Variants in CHEK2 observed in about 807,000 individuals in gnomAD.
CHEK2 encodes the protein serine/threonine-protein kinase Chk2.
CHEK2 carries 71 observed loss-of-function variants against 69.1 expected under a neutral mutation model. The observed-to-expected ratio is 1.03, with a 90% CI of 0.85 to 1.25. The LOEUF (loss-of-function observed/expected upper bound fraction) is 1.25, where lower values mean the gene tolerates loss of function less well. Among genes scored for constraint, CHEK2 ranks in the 50% most tolerant of loss-of-function variants. The probability of loss-of-function intolerance (pLI) is 0.00; values close to 1 mark genes in which losing one functional copy is unlikely to be tolerated. For synonymous variants in CHEK2, 189 were observed against 226.9 expected, an observed-to-expected ratio of 0.83 and a Z score of 1.50; for missense variants, 664 against 649.6, an observed-to-expected ratio of 1.02 and a Z score of -0.24.
At chr22:28,693,794 G>A (rs1286776969) in intron 13 of CHEK2, among the ~76,000 whole-genome samples, 4 of 152,124 alleles carry the variant, frequency 2.6e-5, no homozygotes, top group Non-Finnish European at 4.4e-5. Context: ...GGGGGCCAGA[G>A]GTTGCAGTGA....
intron 2 of CHEK2, among the ~76,000 whole-genome samples, chr22:28,730,941 T>C (rs2054196838): frequency 6.6e-6 from 1 of 152,200 alleles, no homozygotes; most frequent in Non-Finnish European, 1.5e-5. Flanking sequence ...CTGTGGCTTA[T>C]GCCTGTAATC....
At chr22:28,738,814 G>A (rs540455622) in intron 1 of CHEK2, among the ~76,000 whole-genome samples, 1 of 152,218 alleles carries the variant, frequency 6.6e-6, no homozygotes, top group South Asian at 2.1e-4. Context: ...ATTTCATCAA[G>A]CTAAAAAGCT....
rs752493299 is a variant in CHEK2 at position 28,711,911 on chromosome 22, C to A, written c.790G>T (p.Ala264Ser). The change falls in exon 6 of 15, where the codon GCA becomes TCA. Residue 264 changes from alanine to serine, a missense_variant and splice_region_variant. Transcript: ENST00000404276. ...ATCAGCCTTTTATTGGTACTTACTG[C>A]CTCTCTTGCTGAACCAATAGCAAAC... is the stretch of plus-strand genomic sequence containing the variant. Reference protein sequence around the residue: ...RKFAIGSAREADPALNVETEI... With the variant: ...RKFAIGSARESDPALNVETEI... 6.9e-6 allele frequency: 11 copies of A among 1,600,868 alleles called. No individual in the cohort carries two copies. In the East Asian group the frequency reaches 2.5e-4, roughly 36 times the overall value.
Position 28,692,471 on chromosome 22 carries a change from T to TTTTGTTTG in CHEK2, c.1461+1553_1461+1560dup, listed in dbSNP as rs35397484. Among the ~76,000 whole-genome samples the TTTTGTTTG allele has an allele frequency of 6.0e-3, 910 of 150,676 alleles. 9 individuals are homozygous for TTTTGTTTG. The highest frequency in any genetic ancestry group is 0.019 in the African/African-American group (771 of 41,050). ...AACATCCAAACACATATATGTCTTT[T>TTTTGTTTG]TTTGTTTGTTTGTTTGTTTGTTTTA... is the stretch of plus-strand genomic sequence containing the variant. On this transcript the variant is annotated intron_variant, in intron 13 of 14. Coordinates refer to ENST00000404276, the MANE Select transcript of CHEK2 (RefSeq NM_007194.4).
In CHEK2 at chr22:28,689,167, C is replaced by G. The variant is rs587782489; in HGVS notation, c.1510G>C (p.Glu504Gln). The G allele has an allele frequency of 1.4e-5, 23 of 1,595,222 alleles. No individual in the cohort carries two copies. In the Admixed American group the frequency reaches 3.0e-4, roughly 21 times the overall value. Residue 504 changes from glutamate to glutamine, a missense_variant, in exon 14 of 15, where the codon GAA (glutamate) becomes CAA (glutamine). Glu to Gln is a conservative substitution (Grantham distance 29). Transcript: ENST00000404276. The stretch of plus-strand genomic sequence containing the variant: ...AGAACCTGGGGTAGAGCTGTGGATT[C>G]ATTTTCCTCAGACAGAAGATCTTGA... ...KFQDLLSEEN[E>Q]STALPQVLAQ...
chr22:28,703,610 C>G, intron 7 of CHEK2, 44 bp from the exon 8 acceptor site: 1 of 1,252,546 alleles, frequency 8.0e-7, no homozygotes, highest in South Asian at 1.3e-5. Flanking sequence ...GAGAAACTCC[C>G]AAGAGGAAAA....
rs1601853112 is a variant in CHEK2 at position 28,734,596 on chromosome 22, A to T, written c.126T>A (p.Ser42=). ...GGCTGGAGTTTGGCATCGTGCTGGTAGAGGAGCTGGATATGCCCTGGGACT... is the reference window on the plus strand; with the variant it reads ...GGCTGGAGTTTGGCATCGTGCTGGTTGAGGAGCTGGATATGCCCTGGGACT... ...SSQSQGISSS[S]TSTMPNSSQS... Residue 42 remains serine, a synonymous_variant, in exon 2 of 15, where the codon TCT becomes TCA. Coordinates refer to ENST00000404276, the MANE Select transcript of CHEK2 (RefSeq NM_007194.4). 6.2e-7 allele frequency: 1 copy of T among 1,614,022 alleles called. No homozygotes were observed. The highest frequency in any genetic ancestry group is 8.5e-7 in the Non-Finnish European group (1 of 1,180,008).
intron 1 of CHEK2, among the ~76,000 whole-genome samples, chr22:28,736,052 T>C (rs1236932158): frequency 6.6e-6 from 1 of 152,130 alleles, no homozygotes; most frequent in Non-Finnish European, 1.5e-5. Context: ...ATAATCTTTG[T>C]GTTAGATAAT....
chr22:28,708,361 ATATGTGTGTG>A (rs994289439), intron 7 of CHEK2, among the ~76,000 whole-genome samples: 15 of 104,384 alleles, frequency 1.4e-4, no homozygotes, highest in Non-Finnish European at 1.6e-4. Flanking sequence ...GTCTCTAAAA[ATATGTGTGTG>A]TGTGTGTGTG....
chr22:28,690,546 T>TA (rs1309177672), intron 13 of CHEK2, among the ~76,000 whole-genome samples: 3 of 150,502 alleles, frequency 2.0e-5, no homozygotes, highest in African/African-American at 7.4e-5. Context: ...GAGAATCGCT[T>TA]GAACTCAAGA....
chr22:28,736,675 C>A (rs1178045430), intron 1 of CHEK2, among the ~76,000 whole-genome samples: 1 of 152,112 alleles, frequency 6.6e-6, no homozygotes, highest in Admixed American at 6.6e-5. Context: ...TGCAGTGGCT[C>A]ATACCTGTAA....
At chr22:28,697,064 A>C in intron 9 of CHEK2, 77 bp from the exon 10 acceptor site, 1 of 868,966 alleles carries the variant, frequency 1.2e-6, no homozygotes, top group Non-Finnish European at 2.0e-6. Flanking sequence ...CAACACACAC[A>C]TCTCACAGCT....
intron 5 of CHEK2, among the ~76,000 whole-genome samples, chr22:28,712,852 CA>C (rs1343714422): frequency 2.0e-5 from 3 of 152,118 alleles, no homozygotes; most frequent in African/African-American, 7.2e-5. Context: ...TTAAAGTGTA[CA>C]ATTCAGTAGC....
At chr22:28,690,744 T>A (rs2052330701) in intron 13 of CHEK2, among the ~76,000 whole-genome samples, 1 of 150,074 alleles carries the variant, frequency 6.7e-6, no homozygotes, top group Admixed American at 6.7e-5. Context: ...CATGGTGCAG[T>A]GATCATGCCA....
chr22:28,711,977 T>C lies in CHEK2; in HGVS notation c.724A>G (p.Thr242Ala), dbSNP rs752647314. The change falls in exon 6 of 15, where the codon ACA becomes GCA. Residue 242 changes from threonine (T) to alanine (A), a missense_variant. Thr to Ala is a moderately conservative substitution (Grantham distance 58). Coordinates refer to ENST00000404276, the MANE Select transcript of CHEK2 (RefSeq NM_007194.4). The stretch of plus-strand genomic sequence containing the variant: ...ATCTTTATGGCTACTTTCTTACATG[T>C]TTTCCTCTCGAAAGCCAGCTTTACC... ...GEVKLAFERKTCKKVAIKIIS... is the reference protein window; with the variant it reads ...GEVKLAFERKACKKVAIKIIS... 6.2e-7 allele frequency: 1 copy of C among 1,613,998 alleles called. No individual in the cohort carries two copies. Among genetic ancestry groups the C allele is most frequent in the Non-Finnish European group, 8.5e-7 (1 of 1,179,954 alleles).
intron 1 of CHEK2, among the ~76,000 whole-genome samples, chr22:28,740,173 C>G (rs1468889334): frequency 6.6e-6 from 1 of 152,204 alleles, no homozygotes; most frequent in African/African-American, 2.4e-5. Flanking sequence ...TGCACTCCAG[C>G]CTGGTGACAA....
chr22:28,731,858 A>T (rs2054227536), intron 2 of CHEK2, among the ~76,000 whole-genome samples: 1 of 152,034 alleles, frequency 6.6e-6, no homozygotes, highest in Non-Finnish European at 1.5e-5. Flanking sequence ...AAGGTGATGT[A>T]TCCCATTTAG....
intron 13 of CHEK2, among the ~76,000 whole-genome samples, chr22:28,691,277 C>T (rs569528357): frequency 6.6e-5 from 10 of 152,024 alleles, no homozygotes; most frequent in Non-Finnish European, 1.2e-4. Flanking sequence ...GTCAGGAGTT[C>T]GAGACCAGTC....
At chr22:28,729,330 C>T (rs1047372731) in intron 2 of CHEK2, 1 of 222,396 alleles carries the variant, frequency 4.5e-6, no homozygotes, top group Non-Finnish European at 9.3e-6. Context: ...ATCACGAGGT[C>T]AGGAGATGGA....
Sources: gnomAD v4.1 joint callset for allele counts (sites outside exome capture counted in the v4.1 genomes callset) on GRCh38, gnomAD v4.1.1 for gene constraint, MANE v1.5 for transcripts, NCBI Gene and HGNC (gene_info 2026-07-23, HGNC 2026-07-21) for gene names.